Variants in SMG6 observed in about 807,000 individuals in gnomAD.
The protein encoded by SMG6 is SMG6 nonsense mediated mRNA decay factor.
SMG6 carries 66 observed loss-of-function variants against 142.2 expected under a neutral mutation model. The ratio of observed to expected loss-of-function variants is 0.46; its 90% CI spans 0.38 to 0.57. The LOEUF (loss-of-function observed/expected upper bound fraction) is 0.57. Ranked by LOEUF, SMG6 falls within the 20% of genes least tolerant of loss-of-function variation. The pLI, the probability that SMG6 is intolerant of heterozygous loss-of-function variation, is 0.00. For missense variants in SMG6, 1,793 were observed against 1,832.0 expected (o/e 0.98, Z 0.39); for synonymous variants, 779 against 702.4 (o/e 1.11, Z -1.72).
At position 2,186,687 on chromosome 17, in the gene SMG6, G is replaced by A. The variant is rs773486387; in HGVS notation, c.3131C>T (p.Pro1044Leu). ...CTGCGAGGGCAGATCCAGGGATGTGGGAGGAGGATTCCAGGTGTCCGGGTA... is the reference window on the plus strand; with the variant it reads ...CTGCGAGGGCAGATCCAGGGATGTGAGAGGAGGATTCCAGGTGTCCGGGTA... ...LGYPDTWNPP[P>L]TSLDLPSHVA... Residue 1044 changes from proline to leucine, a missense_variant, in exon 12 of 19, where the codon CCC becomes CTC. By Grantham distance (98) the Pro-to-Leu change is moderately conservative. This residue lies in a region of SMG6 where 1,597 missense variants were observed against 1,584.6 expected (regional missense o/e 1.01). Transcript: ENST00000263073. 2 of 1,614,208 alleles carry A rather than the reference G, an allele frequency of 1.2e-6. No individual in the cohort carries two copies. Among genetic ancestry groups the A allele is most frequent in the South Asian group, 1.1e-5 (1 of 91,086 alleles).
chr17:2,148,026 C>T (rs1467841166), intron 13 of SMG6, among the ~76,000 whole-genome samples: 2 of 151,914 alleles, frequency 1.3e-5, no homozygotes, highest in African/African-American at 4.8e-5. Flanking sequence ...CCCATCTCTA[C>T]CAAAAACACA....
chr17:2,091,476 G>A (rs942830059), intron 13 of SMG6, among the ~76,000 whole-genome samples: 4 of 152,128 alleles, frequency 2.6e-5, no homozygotes, highest in African/African-American at 9.7e-5. Flanking sequence ...GAAAGAACCT[G>A]TGCAGGGGCT....
Position 2,087,533 on chromosome 17 carries a change from G to A in SMG6, c.3358-1632C>T, listed in dbSNP as rs544388420. 31 of 1,030,846 alleles carry A rather than the reference G, an allele frequency of 3.0e-5. No individual in the cohort carries two copies. The East Asian group carries it at 1.8e-3, about 60-fold the overall frequency. The allele number at this position is 1,030,846 out of a possible 1,614,324, so 63.9% of individuals were successfully genotyped here. A position where few individuals can be genotyped will look rare whatever the true frequency, so the allele number is the denominator to read the frequency against. On this transcript the variant is annotated intron_variant, in intron 13 of 18. Transcript: ENST00000263073. The stretch of plus-strand genomic sequence containing the variant: ...TACTTTGACCACCTTCACCTGAGAG[G>A]TTGATGTAGAAGGTTCTCGGCTACC...
At chr17:2,187,593 T>C (rs77671879) in intron 11 of SMG6, among the ~76,000 whole-genome samples, 1 of 152,252 alleles carries the variant, frequency 6.6e-6, no homozygotes, top group East Asian at 1.9e-4. Context: ...ACCTTAAGTA[T>C]GTGTGTATGG....
chr17:2,112,569 A>G (rs1033603847), intron 13 of SMG6, among the ~76,000 whole-genome samples: 2 of 141,556 alleles, frequency 1.4e-5, no homozygotes, highest in African/African-American at 2.6e-5. Flanking sequence ...ATAAATAAAT[A>G]AAAGGCAATG....
At chr17:2,129,396 GA>G (rs2151541575) in intron 13 of SMG6, among the ~76,000 whole-genome samples, 1 of 152,170 alleles carries the variant, frequency 6.6e-6, no homozygotes, top group Non-Finnish European at 1.5e-5. Context: ...AACAGATTAA[GA>G]AAAAATATTT....
chr17:2,281,781 T>G (rs984969113), intron 8 of SMG6, among the ~76,000 whole-genome samples: 2 of 152,168 alleles, frequency 1.3e-5, no homozygotes, highest in African/African-American at 4.8e-5. Flanking sequence ...CTGGGTGAAT[T>G]TTACCCTTAA....
intron 10 of SMG6, among the ~76,000 whole-genome samples, chr17:2,217,223 A>G (rs2073044635): frequency 6.6e-6 from 1 of 152,160 alleles, no homozygotes; most frequent in African/African-American, 2.4e-5. Context: ...ATTTTTAAAA[A>G]TACATTTACA....
intron 13 of SMG6, among the ~76,000 whole-genome samples, chr17:2,158,564 G>C (rs886751176): frequency 3.3e-5 from 5 of 152,170 alleles, no homozygotes; most frequent in African/African-American, 4.8e-5. Flanking sequence ...TGTCCTAAAT[G>C]ATGGCAATTC....
chr17:2,197,657 T>C (rs1366181168), intron 10 of SMG6, among the ~76,000 whole-genome samples: 1 of 150,250 alleles, frequency 6.7e-6, no homozygotes, highest in Non-Finnish European at 1.5e-5. Flanking sequence ...ATTTAGAAAA[T>C]GGGCAAAAAA....
chr17:2,148,312 T>C (rs1331464546), intron 13 of SMG6, among the ~76,000 whole-genome samples: 1 of 152,246 alleles, frequency 6.6e-6, no homozygotes, highest in Admixed American at 6.5e-5. Context: ...CAAAGAGATA[T>C]TTGTACATTT....
chr17:2,134,120 A>G (rs1191705015), intron 13 of SMG6, among the ~76,000 whole-genome samples: 1 of 152,148 alleles, frequency 6.6e-6, no homozygotes, highest in Non-Finnish European at 1.5e-5. Context: ...ATATGATCTC[A>G]GATAAATCAG....
chr17:2,067,816 A>G (rs1253829356), intron 16 of SMG6, among the ~76,000 whole-genome samples: 1 of 152,088 alleles, frequency 6.6e-6, no homozygotes, highest in Non-Finnish European at 1.5e-5. Flanking sequence ...TTCCACCCCC[A>G]TCTGGCACTA....
At position 2,172,652 on chromosome 17, in the gene SMG6, G is replaced by A. The variant is rs763166151; in HGVS notation, c.3357+6C>T. 11 of 1,612,766 alleles carry A rather than the reference G, an allele frequency of 6.8e-6. No homozygotes were observed. Among genetic ancestry groups the A allele is most frequent in the Admixed American group, 1.7e-5 (1 of 60,002 alleles). ...AATGGGGAGGGATGTTTGGCCTGGGGCTGACCTTATCCGAGGTTTTCTCCA... is the reference window on the plus strand; with the variant it reads ...AATGGGGAGGGATGTTTGGCCTGGGACTGACCTTATCCGAGGTTTTCTCCA... On this transcript the variant is annotated splice_donor_region_variant and intron_variant, in intron 13 of 18. Transcript: ENST00000263073.
intron 8 of SMG6, among the ~76,000 whole-genome samples, chr17:2,281,571 C>G (rs2074787142): frequency 6.6e-6 from 1 of 152,200 alleles, no homozygotes; most frequent in African/African-American, 2.4e-5. Context: ...TCACTTGGAA[C>G]TACCGCAGCA....
rs2067733701 is a variant in SMG6, at chr17:2,060,222, C to T, written c.*1270G>A. ...GCTCCACCGAAAACCCCGTCTTCCC[C>T]TAAGTTGTCCTTGTCTCTGGCCCTG... On this transcript the variant is annotated 3_prime_UTR_variant, in exon 19 of 19. Coordinates refer to ENST00000263073, the MANE Select transcript of SMG6 (RefSeq NM_017575.5). 1 of 152,402 alleles carries T rather than the reference C, an allele frequency of 6.6e-6. No homozygotes were observed. Among genetic ancestry groups the T allele is most frequent in the African/African-American group, 2.4e-5 (1 of 41,478 alleles). The allele number at this position is 152,402 out of a possible 1,614,324, so 9.4% of individuals were successfully genotyped here.
At chr17:2,263,487 T>C (rs1406727672) in intron 8 of SMG6, among the ~76,000 whole-genome samples, 3 of 152,118 alleles carry the variant, frequency 2.0e-5, no homozygotes, top group Non-Finnish European at 4.4e-5. Flanking sequence ...ATTTCTATAA[T>C]AAATGCTCAA....
chr17:2,168,997 C>T (rs576434924), intron 13 of SMG6, among the ~76,000 whole-genome samples: 68 of 151,790 alleles, frequency 4.5e-4, no homozygotes, highest in East Asian at 2.0e-3. Context: ...CCGCCTGCCT[C>T]GGCCTCCCAA....
intron 13 of SMG6, among the ~76,000 whole-genome samples, chr17:2,153,069 C>A (rs781762891): frequency 6.6e-6 from 1 of 152,234 alleles, no homozygotes; most frequent in Non-Finnish European, 1.5e-5. Context: ...CGAAAAGAAG[C>A]CAGACTCAAG....
Sources: gnomAD v4.1 joint callset for allele counts (sites outside exome capture counted in the v4.1 genomes callset) on GRCh38, gnomAD v4.1.1 for gene constraint, gnomAD v4.1.1 regional missense constraint, MANE v1.5 for transcripts, NCBI Gene and HGNC (gene_info 2026-07-23, HGNC 2026-07-21) for gene names.